Variants in WDFY3 observed in about 807,000 individuals in gnomAD.
WDFY3 encodes the protein WD repeat and FYVE domain containing 3, also known as WD repeat and FYVE domain-containing protein 3.
Under a neutral mutation model 409.6 loss-of-function variants are expected in WDFY3, and 66 were observed. The observed-to-expected ratio is 0.16, with a 90% CI of 0.13 to 0.20. The LOEUF (loss-of-function observed/expected upper bound fraction) is 0.20, where lower values mean the gene tolerates loss of function less well. WDFY3 is among the 10% of genes least tolerant of loss of function. The probability of loss-of-function intolerance (pLI) is 1.00; values close to 1 mark genes in which losing one functional copy is unlikely to be tolerated. For synonymous variants in WDFY3, 1,521 were observed against 1,537.1 expected, an observed-to-expected ratio of 0.99 and a Z score of 0.25; for missense variants, 3,031 against 4,298.1, an observed-to-expected ratio of 0.71 and a Z score of 8.24.
At chr4:84,715,053 A>G (rs1158710422) in intron 50 of WDFY3, among the ~76,000 whole-genome samples, 1 of 152,238 alleles carries the variant, frequency 6.6e-6, no homozygotes, top group Admixed American at 6.5e-5. Context: ...TAGTGATAAA[A>G]GTAGTTTTTG....
chr4:84,882,910 G>A (rs1296438776), intron 3 of WDFY3, among the ~76,000 whole-genome samples: 4 of 151,930 alleles, frequency 2.6e-5, no homozygotes, highest in South Asian at 2.1e-4. Flanking sequence ...GTCTCACTAC[G>A]TTGCCCAGGT....
intron 13 of WDFY3, among the ~76,000 whole-genome samples, chr4:84,814,147 T>C (rs1017682727): frequency 6.6e-6 from 1 of 152,218 alleles, no homozygotes; most frequent in African/African-American, 2.4e-5. Context: ...GCATAAGGAT[T>C]ATTTTCAGTT....
Position 84,736,287 on chromosome 4 carries a change from C to A in WDFY3, c.6798G>T (p.Ala2266=). The A allele has an allele frequency of 6.2e-6, 10 of 1,607,946 alleles. No individual in the cohort carries two copies. The highest frequency in any genetic ancestry group is 8.5e-6 in the Non-Finnish European group (10 of 1,177,152). ...GGGATAATTTGGACTGTGTGGTGGG[C>A]GCTAAAGCTTCTCCTCGACTTATGC... ...KKCISRGEAL[A]PTTQSKLSRV... Residue 2266 remains alanine (A), a synonymous_variant, in exon 42 of 68, where the codon GCG becomes GCT. Coordinates refer to ENST00000295888, the MANE Select transcript of WDFY3 (RefSeq NM_014991.6).
chr4:84,817,485 G>C lies in WDFY3; in HGVS notation c.1794C>G (p.Leu598=), dbSNP rs956429054. The C allele has an allele frequency of 1.9e-6, 3 of 1,613,730 alleles. No individual in the cohort carries two copies. Among genetic ancestry groups the C allele is most frequent in the Non-Finnish European group, 2.5e-6 (3 of 1,179,826 alleles). Residue 598 remains leucine, a synonymous_variant, in exon 13 of 68, where the codon CTC becomes CTG. Transcript: ENST00000295888. ...HALMTIQQLV[L]SPNGDDDMGT... is the part of the protein sequence containing the mutation. ...CCATGTCATCGTCCCCATTTGGGGAGAGCACCAGCTGTTGGATAGTCATCA... is the reference window on the plus strand; with the variant it reads ...CCATGTCATCGTCCCCATTTGGGGACAGCACCAGCTGTTGGATAGTCATCA...
chr4:84,759,971 A>G lies in WDFY3; in HGVS notation c.5189-2810T>C, dbSNP rs908034984. The stretch of plus-strand genomic sequence containing the variant: ...TAGATAGCTCTTATTATTTTGAGAT[A>G]CGTCCCATCAACACCTAATTTATTG... On this transcript the variant is annotated intron_variant, in intron 32 of 67. Transcript: ENST00000295888. Among the ~76,000 whole-genome samples the G allele has an allele frequency of 1.3e-4, 20 of 152,074 alleles. No individual in the cohort carries two copies. In the East Asian group the frequency reaches 3.3e-3, roughly 25 times the overall value.
chr4:84,887,202 C>T (rs1385990476), intron 3 of WDFY3, among the ~76,000 whole-genome samples: 1 of 152,050 alleles, frequency 6.6e-6, no homozygotes, highest in African/African-American at 2.4e-5. Flanking sequence ...GCATGTTATA[C>T]CAGGGAAACA....
At position 84,740,432 on chromosome 4, in the gene WDFY3, G is replaced by A; in HGVS notation, c.6235-16C>T. 2 of 1,611,646 alleles carry A rather than the reference G, an allele frequency of 1.2e-6. No homozygotes were observed. Among genetic ancestry groups the A allele is most frequent in the Non-Finnish European group, 1.7e-6 (2 of 1,177,810 alleles). The stretch of plus-strand genomic sequence containing the variant: ...TTCTCTTTGACTAAAGACATGAAAG[G>A]TATGTTTTTAGTATAATAGACAAAA... On this transcript the variant is annotated splice_polypyrimidine_tract_variant and intron_variant, in intron 38 of 67. Transcript: ENST00000295888.
chr4:84,786,201 T>C (rs182445004), intron 23 of WDFY3, 62 bp from the exon 24 acceptor site: 1 of 1,470,960 alleles, frequency 6.8e-7, no homozygotes, highest in Admixed American at 2.5e-5. Context: ...AGTAAGTTTT[T>C]TATTCTTACT....
At chr4:84,810,687 T>C (rs961596779) in intron 13 of WDFY3, among the ~76,000 whole-genome samples, 9 of 152,206 alleles carry the variant, frequency 5.9e-5, no homozygotes, top group Non-Finnish European at 1.3e-4. Flanking sequence ...TAGTCTAGTT[T>C]TACACAATCA....
intron 39 of WDFY3, among the ~76,000 whole-genome samples, chr4:84,739,642 C>A (rs745883816): frequency 1.3e-5 from 2 of 152,138 alleles, no homozygotes; most frequent in Non-Finnish European, 2.9e-5. Context: ...AGGTTAGGGG[C>A]CCCTCTTATG....
intron 36 of WDFY3, 126 bp downstream of exon 36, chr4:84,751,357 T>C (rs1740484942): frequency 3.0e-6 from 3 of 985,062 alleles, no homozygotes; most frequent in Non-Finnish European, 4.6e-6. Flanking sequence ...CCACAGCCTA[T>C]AACATGTTCT....
chr4:84,741,790 T>C lies in WDFY3; in HGVS notation c.6205A>G (p.Ile2069Val), dbSNP rs2149232961. The C allele has an allele frequency of 6.2e-7, 1 of 1,612,214 alleles. No individual in the cohort carries two copies. Among genetic ancestry groups the C allele is most frequent in the South Asian group, 1.1e-5 (1 of 90,838 alleles). ...GCAATTAGTTGAATTATAAAATCTA[T>C]AAGAAGTTTAGATTCTTTGTTGAAC... ...GMFNKESKLL[I>V]DFIIQLIAQS... Residue 2069 changes from isoleucine (I) to valine (V), a missense_variant, in exon 38 of 68, where the codon ATA becomes GTA. Ile to Val is a conservative substitution (Grantham distance 29). This residue lies in a region of WDFY3 where 314 missense variants were observed against 397.4 expected (regional missense o/e 0.79). Coordinates refer to ENST00000295888, the MANE Select transcript of WDFY3 (RefSeq NM_014991.6).
At chr4:84,819,259 A>G (rs1310198504) in intron 12 of WDFY3, among the ~76,000 whole-genome samples, 4 of 152,090 alleles carry the variant, frequency 2.6e-5, no homozygotes, top group Non-Finnish European at 1.5e-5. Context: ...CCTAGCTAGC[A>G]TGGTACCTGG....
Position 84,831,449 on chromosome 4 carries a change from G to T in WDFY3, c.733C>A (p.His245Asn). 6.2e-7 allele frequency: 1 copy of T among 1,613,668 alleles called. No homozygotes were observed. ...TTCACTACATTGACACTAAGACCATGACGAGATATGGTCATGAGGACTTCT... is the reference window on the plus strand; with the variant it reads ...TTCACTACATTGACACTAAGACCATTACGAGATATGGTCATGAGGACTTCT... ...AGEVLMTISR[H>N]GLSVNVVKYI... Residue 245 changes from histidine to asparagine, a missense_variant, in exon 8 of 68, where the codon CAT becomes AAT. Transcript: ENST00000295888.
rs534119259 is a variant in WDFY3, at chr4:84,679,903, T to C, written c.9824-661A>G. ...ATATATATATATATGTATGTATGTA[T>C]TTTTTGAGACAGAATCTTGCTGTGT... On this transcript the variant is annotated intron_variant, in intron 64 of 67. Coordinates refer to ENST00000295888, the MANE Select transcript of WDFY3 (RefSeq NM_014991.6). Among the ~76,000 whole-genome samples, 15 of 151,992 alleles carry C rather than the reference T, an allele frequency of 9.9e-5. No individual in the cohort carries two copies. The South Asian group carries it at 3.1e-3, about 32-fold the overall frequency.
chr4:84,770,334 T>C (rs1744451801), intron 30 of WDFY3, among the ~76,000 whole-genome samples: 2 of 152,144 alleles, frequency 1.3e-5, no homozygotes, highest in Admixed American at 1.3e-4. Flanking sequence ...GGCCGAGTTA[T>C]ATACATTTTT....
chr4:84,900,448 A>G (rs1766202038), intron 2 of WDFY3, among the ~76,000 whole-genome samples: 1 of 151,916 alleles, frequency 6.6e-6, no homozygotes, highest in Non-Finnish European at 1.5e-5. Flanking sequence ...CTGGTCTCAA[A>G]CTCCTGGCCT....
In WDFY3 at chr4:84,863,248, A is replaced by T. The variant is rs1760909369; in HGVS notation, c.-31-2626T>A. ...CTTTGGAAATATACCCAGAAATGAG[A>T]CTGCTGTATCATAAAGATAATTCTA... On this transcript the variant is annotated intron_variant, in intron 3 of 67. Coordinates refer to ENST00000295888, the MANE Select transcript of WDFY3 (RefSeq NM_014991.6). Among the ~76,000 whole-genome samples, 5 of 152,210 alleles carry T rather than the reference A, an allele frequency of 3.3e-5. No individual in the cohort carries two copies. In the South Asian group the frequency reaches 1.0e-3, roughly 32 times the overall value.
intron 24 of WDFY3, among the ~76,000 whole-genome samples, chr4:84,783,487 C>A (rs1302343641): frequency 6.6e-6 from 1 of 152,142 alleles, no homozygotes; most frequent in East Asian, 1.9e-4. Context: ...TGGAAATGTA[C>A]AAACACTTCC....
Sources: gnomAD v4.1 joint callset for allele counts (sites outside exome capture counted in the v4.1 genomes callset) on GRCh38, gnomAD v4.1.1 for gene constraint, gnomAD v4.1.1 regional missense constraint, MANE v1.5 for transcripts, NCBI Gene and HGNC (gene_info 2026-07-23, HGNC 2026-07-21) for gene names.